The following GLIPR1 variants were observed in gnomAD, a reference collection of about 807,000 sequenced individuals.
The protein encoded by GLIPR1 is glioma pathogenesis-related protein 1.
Under a neutral mutation model 30.3 loss-of-function variants are expected in GLIPR1, and 38 were observed. The ratio of observed to expected loss-of-function variants is 1.26; its 90% CI spans 0.97 to 1.65. The LOEUF is 1.65. Ranked by LOEUF, GLIPR1 falls within the 40% of genes most tolerant of loss-of-function variation. The pLI, the probability that GLIPR1 is intolerant of heterozygous loss-of-function variation, is 0.00. For missense variants in GLIPR1, 285 were observed against 326.5 expected (o/e 0.87, Z 0.98); for synonymous variants, 122 against 110.6 (o/e 1.10, Z -0.65).
chr12:75,498,585 A>G (rs112759583), intron 4 of GLIPR1, 109 bp from the exon 5 acceptor site: 1 of 831,326 alleles, frequency 1.2e-6, no homozygotes, highest in African/African-American at 1.7e-5. Context: ...ACTGCAATAA[A>G]GCCAAAGCAA....
rs761089940 is a variant in GLIPR1 at position 75,503,859 on chromosome 12, T to C, written c.*4881T>C. 6.6e-7 allele frequency: 1 copy of C among 1,522,900 alleles called. No individual in the cohort carries two copies. The highest frequency in any genetic ancestry group is 8.9e-7 in the Non-Finnish European group (1 of 1,122,614). 94.3% of individuals were successfully genotyped at this position (1,522,900 alleles called of 1,614,324 possible). The stretch of plus-strand genomic sequence containing the variant: ...CAATAAAGTTTCTGACCAAATACAT[T>C]AAAATAGATTCTCCTTCATATGAAG... On this transcript the variant is annotated 3_prime_UTR_variant, in exon 6 of 6. Transcript: ENST00000266659.
At chr12:75,487,318 A>G (rs1385445390) in intron 2 of GLIPR1, among the ~76,000 whole-genome samples, 1 of 152,250 alleles carries the variant, frequency 6.6e-6, no homozygotes, top group Non-Finnish European at 1.5e-5. Flanking sequence ...CCCCACATAA[A>G]ATCACTTGAG....
rs2046373801 is a variant in GLIPR1, at chr12:75,499,324, TG to T, written c.*347del. 1.8e-5 allele frequency: 3 copies of T among 170,932 alleles called. No individual in the cohort carries two copies. In the Admixed American group the frequency reaches 1.9e-4, roughly 11 times the overall value. 10.6% of individuals were successfully genotyped at this position (170,932 alleles called of 1,614,324 possible). A position where few individuals can be genotyped will look rare whatever the true frequency, so the allele number is the denominator to read the frequency against. On this transcript the variant is annotated 3_prime_UTR_variant, in exon 6 of 6. Transcript: ENST00000266659. The stretch of plus-strand genomic sequence containing the variant: ...ATTAGTTAAAAACATTATTATTTTT[TG>T]CATGCTGCTTCGACTCTAAATATCT...
intron 2 of GLIPR1, among the ~76,000 whole-genome samples, chr12:75,486,754 T>A (rs1382322973): frequency 6.6e-6 from 1 of 152,186 alleles, no homozygotes; most frequent in African/African-American, 2.4e-5. Flanking sequence ...TCCATTCATA[T>A]AACATTCTGG....
intron 2 of GLIPR1, chr12:75,487,854 A>G: frequency 4.4e-6 from 2 of 454,560 alleles, no homozygotes; most frequent in Non-Finnish European, 8.9e-6. Context: ...AAGAAAAGAA[A>G]TAAAAGAATG....
intron 1 of GLIPR1, chr12:75,481,357 CTTTTTTTTTTT>C (rs72137011): frequency 2.1e-5 from 3 of 145,892 alleles, no homozygotes; most frequent in African/African-American, 2.8e-5. Context: ...ATTTGGTTTT[CTTTTTTTTTTT>C]TTTTTTTTGT....
chr12:75,499,846 A>ATCTT lies in GLIPR1; in HGVS notation c.*869_*872dup. The ATCTT allele has an allele frequency of 6.2e-7, 1 of 1,607,402 alleles. No individual in the cohort carries two copies. Among genetic ancestry groups the ATCTT allele is most frequent in the Non-Finnish European group, 8.5e-7 (1 of 1,177,370 alleles). ...CTTCTTTTTCTTTTCATCTGCCTCC[A>ATCTT]TCTTAAGTGCAATTTCTTCAGCTGT... is the stretch of plus-strand genomic sequence containing the variant. On this transcript the variant is annotated 3_prime_UTR_variant, in exon 6 of 6. Transcript: ENST00000266659.
chr12:75,500,038 T>C lies in GLIPR1; in HGVS notation c.*1060T>C. 12 of 1,014,458 alleles carry C rather than the reference T, an allele frequency of 1.2e-5. No individual in the cohort carries two copies. In the South Asian group the frequency reaches 1.9e-4, roughly 16 times the overall value. The allele number at this position is 1,014,458 out of a possible 1,614,324, so 62.8% of individuals were successfully genotyped here. On this transcript the variant is annotated 3_prime_UTR_variant, in exon 6 of 6. Coordinates refer to ENST00000266659, the MANE Select transcript of GLIPR1 (RefSeq NM_006851.3). ...TATATGTTTAACAAAGAATATATGTTTAAGGCAGTTAACTTCAGAGTATTC... is the reference window on the plus strand; with the variant it reads ...TATATGTTTAACAAAGAATATATGTCTAAGGCAGTTAACTTCAGAGTATTC...
rs1397799056 is a variant in GLIPR1 at position 75,503,340 on chromosome 12, G to T, written c.*4362G>T. ...TCTAACTTAATTTGGTAGCCACGTT[G>T]CAAGGAAGAAGTCAAGTTTTTAGAC... On this transcript the variant is annotated 3_prime_UTR_variant, in exon 6 of 6. Coordinates refer to ENST00000266659, the MANE Select transcript of GLIPR1 (RefSeq NM_006851.3). 7 of 152,220 alleles carry T rather than the reference G, an allele frequency of 4.6e-5. No individual in the cohort carries two copies. The East Asian group carries it at 1.4e-3, about 29-fold the overall frequency. The allele number at this position is 152,220 out of a possible 1,614,324, so 9.4% of individuals were successfully genotyped here. A position where few individuals can be genotyped will look rare whatever the true frequency, so the allele number is the denominator to read the frequency against.
At chr12:75,495,868 T>C in intron 4 of GLIPR1, 1 of 374,874 alleles carries the variant, frequency 2.7e-6, no homozygotes, top group South Asian at 8.1e-5. Context: ...TATTTAGTTC[T>C]AATTGGTCAA....
chr12:75,501,963 T>G lies in GLIPR1; in HGVS notation c.*2985T>G. ...TTTCTGCCGCTTCTTCTGATTTGCCTTCAAAAAGTATTCACCACTAGCCAA... is the reference window on the plus strand; with the variant it reads ...TTTCTGCCGCTTCTTCTGATTTGCCGTCAAAAAGTATTCACCACTAGCCAA... On this transcript the variant is annotated 3_prime_UTR_variant, in exon 6 of 6. Coordinates refer to ENST00000266659, the MANE Select transcript of GLIPR1 (RefSeq NM_006851.3). 6.2e-7 allele frequency: 1 copy of G among 1,612,502 alleles called. No individual in the cohort carries two copies. Among genetic ancestry groups the G allele is most frequent in the Admixed American group, 1.7e-5 (1 of 59,926 alleles).
chr12:75,498,854 C>A lies in GLIPR1; in HGVS notation c.677C>A (p.Pro226His). The A allele has an allele frequency of 6.2e-7, 1 of 1,611,884 alleles. No homozygotes were observed. The highest frequency in any genetic ancestry group is 8.5e-7 in the Non-Finnish European group (1 of 1,178,516). Residue 226 changes from proline to histidine, a missense_variant, in exon 6 of 6, where the codon CCC becomes CAC. Coordinates refer to ENST00000266659, the MANE Select transcript of GLIPR1 (RefSeq NM_006851.3). ...RYYSVVYPGW[P>H]IYPRNRYTSL... ...TACTCTGTTGTATATCCAGGCTGGCCCATATATCCACGTAACAGATACACT... is the reference window on the plus strand; with the variant it reads ...TACTCTGTTGTATATCCAGGCTGGCACATATATCCACGTAACAGATACACT...
At chr12:75,497,350 T>C (rs755472240) in intron 4 of GLIPR1, 3 of 152,208 alleles carry the variant, frequency 2.0e-5, no homozygotes, top group Non-Finnish European at 2.9e-5. Flanking sequence ...AAAGCTGTAG[T>C]CCAATAATGA....
Position 75,488,303 on chromosome 12 carries a change from C to A in GLIPR1, c.421-2103C>A, listed in dbSNP as rs186626624. Among the ~76,000 whole-genome samples, 43 of 151,858 alleles carry A rather than the reference C, an allele frequency of 2.8e-4. 1 individual carries two copies. In the South Asian group the frequency reaches 7.5e-3, roughly 27 times the overall value. On this transcript the variant is annotated intron_variant, in intron 2 of 5. Transcript: ENST00000266659. Reference sequence around the variant, plus strand: ...CTGTAATCCCAGCACTTTGGGAGGCCGAGGCAGGCAGATCACCTGAGGTCA... The same window carrying A: ...CTGTAATCCCAGCACTTTGGGAGGCAGAGGCAGGCAGATCACCTGAGGTCA...
Position 75,501,097 on chromosome 12 carries a change from AG to A in GLIPR1, c.*2121del, listed in dbSNP as rs1164131655. Reference sequence around the variant, plus strand: ...ACTGTTCACTTTGGAGGGTTACTTTAGGAAGAGGATAAGTGTTACCACAGGG... The same window carrying A: ...ACTGTTCACTTTGGAGGGTTACTTTAGAAGAGGATAAGTGTTACCACAGGG... On this transcript the variant is annotated 3_prime_UTR_variant, in exon 6 of 6. Coordinates refer to ENST00000266659, the MANE Select transcript of GLIPR1 (RefSeq NM_006851.3). 4 of 152,136 alleles carry A rather than the reference AG, an allele frequency of 2.6e-5. No homozygotes were observed. Among genetic ancestry groups the A allele is most frequent in the African/African-American group, 9.7e-5 (4 of 41,412 alleles). The allele number at this position is 152,136 out of a possible 1,614,324, so 9.4% of individuals were successfully genotyped here.
Position 75,498,724 on chromosome 12 carries a change from C to T in GLIPR1, c.646+4C>T, listed in dbSNP as rs201786239. Reference sequence around the variant, plus strand: ...CGACAGCGAGACCAAGTCAAACGTACGTACATCAATCTTAAATTGTTTCAT... The same window carrying T: ...CGACAGCGAGACCAAGTCAAACGTATGTACATCAATCTTAAATTGTTTCAT... On this transcript the variant is annotated splice_donor_region_variant and intron_variant, in intron 5 of 5. Transcript: ENST00000266659. The T allele has an allele frequency of 7.4e-6, 12 of 1,611,906 alleles. No homozygotes were observed. The highest frequency in any genetic ancestry group is 4.0e-5 in the African/African-American group (3 of 74,790).
At position 75,481,050 on chromosome 12, in the gene GLIPR1, A is replaced by G. The variant is rs146453568; in HGVS notation, c.170A>G (p.Tyr57Cys). 4.4e-6 allele frequency: 7 copies of G among 1,606,406 alleles called. No individual in the cohort carries two copies. In the African/African-American group the frequency reaches 6.7e-5, roughly 15 times the overall value. ...AAACCAACAGCCAGTGATATGCTATACATGGTAAGGAAAATATCATTAATT... is the reference window on the plus strand; with the variant it reads ...AAACCAACAGCCAGTGATATGCTATGCATGGTAAGGAAAATATCATTAATT... Reference protein sequence around the residue: ...EVKPTASDMLYMTWDPALAQI... With the variant: ...EVKPTASDMLCMTWDPALAQI... Residue 57 changes from tyrosine (Y) to cysteine (C), a missense_variant, in exon 1 of 6, where the codon TAC becomes TGC. Tyr to Cys is a radical substitution (Grantham distance 194). Coordinates refer to ENST00000266659, the MANE Select transcript of GLIPR1 (RefSeq NM_006851.3).
rs1039322491 is a variant in GLIPR1, at chr12:75,495,680, T to C, written c.619+18T>C. The C allele has an allele frequency of 2.9e-6, 4 of 1,363,872 alleles. No individual in the cohort carries two copies. Among genetic ancestry groups the C allele is most frequent in the Non-Finnish European group, 3.1e-6 (3 of 953,582 alleles). The allele number at this position is 1,363,872 out of a possible 1,614,324, so 84.5% of individuals were successfully genotyped here. On this transcript the variant is annotated intron_variant, in intron 4 of 5. Coordinates refer to ENST00000266659, the MANE Select transcript of GLIPR1 (RefSeq NM_006851.3). ...TCTCTGTGGTGAGTAAAAGGAACAA[T>C]ACACCAATAGAATAACATAATAGTA...
At chr12:75,497,863 A>G (rs2046360607) in intron 4 of GLIPR1, 1 of 151,430 alleles carries the variant, frequency 6.6e-6, no homozygotes, top group East Asian at 2.0e-4. Context: ...ATTTGTTTCA[A>G]TAGTTGAATA....
Sources: gnomAD v4.1 joint callset for allele counts (sites outside exome capture counted in the v4.1 genomes callset) on GRCh38, gnomAD v4.1.1 for gene constraint, MANE v1.5 for transcripts, NCBI Gene and HGNC (gene_info 2026-07-23, HGNC 2026-07-21) for gene names.